The following GABRQ variants were observed in gnomAD, a reference collection of about 807,000 sequenced individuals.
GABRQ encodes the protein gamma-aminobutyric acid type A receptor subunit theta.
Under a neutral mutation model 30.5 loss-of-function variants are expected in GABRQ, and 19 were observed. The observed-to-expected ratio is 0.62, with a 90% CI of 0.43 to 0.91. The LOEUF (loss-of-function observed/expected upper bound fraction) is 0.91, where lower values mean the gene tolerates loss of function less well. Among genes scored for constraint, GABRQ ranks in the 40% least tolerant of loss-of-function variants. GABRQ has a pLI of 0.00. For missense variants in GABRQ, 520 were observed against 521.4 expected (o/e 1.00, Z 0.03); for synonymous variants, 187 against 210.2 (o/e 0.89, Z 0.95).
rs1450209795 is a variant in GABRQ, at chrX:152,656,620, G to A, written c.*3339G>A. On this transcript the variant is annotated 3_prime_UTR_variant, in exon 9 of 9. Coordinates refer to ENST00000598523, the MANE Select transcript of GABRQ (RefSeq NM_018558.4). ...TGTCAAATGTATTCTTACAATTCAT[G>A]TCATCTTGTTAATAGCAGGACTTCA... is the stretch of plus-strand genomic sequence containing the variant. 1 of 112,617 alleles carries A rather than the reference G, an allele frequency of 8.9e-6. No individual in the cohort carries two copies. The highest frequency in any genetic ancestry group is 2.8e-4 in the East Asian group (1 of 3,585). The allele number at this position is 112,617 out of a possible 1,213,427, so 9.3% of individuals were successfully genotyped here.
At position 152,653,073 on chromosome X, in the gene GABRQ, A is replaced by C; in HGVS notation, c.1691A>C (p.Glu564Ala). Residue 564 changes from glutamate (E) to alanine (A), a missense_variant, in exon 9 of 9, where the codon GAG becomes GCG. By Grantham distance (107) the Glu-to-Ala change is moderately radical. Coordinates refer to ENST00000598523, the MANE Select transcript of GABRQ (RefSeq NM_018558.4). ...AGTACCTGGGGCCTTAATGATGATGAGCTCATGGCCCATGGCCAAGAGAAG... is the reference window on the plus strand; with the variant it reads ...AGTACCTGGGGCCTTAATGATGATGCGCTCATGGCCCATGGCCAAGAGAAG... Reference protein sequence around the residue: ...TNSTWGLNDDELMAHGQEKDS... With the variant: ...TNSTWGLNDDALMAHGQEKDS... The C allele has an allele frequency of 8.3e-7, 1 of 1,207,217 alleles. No individual in the cohort carries two copies.
Position 152,650,518 on chromosome X carries a change from C to T in GABRQ, c.839C>T (p.Thr280Ile). 3 of 1,202,806 alleles carry T rather than the reference C, an allele frequency of 2.5e-6. No homozygotes were observed. Among genetic ancestry groups the T allele is most frequent in the Non-Finnish European group, 3.4e-6 (3 of 887,482 alleles). Reference protein sequence around the residue: ...VQVYWPTVLTTITSWISFWMN... With the variant: ...VQVYWPTVLTIITSWISFWMN... ...GTCTACTGGCCTACTGTCCTCACCACTATTACCTCTTGGATATCGTTTTGG... is the reference window on the plus strand; with the variant it reads ...GTCTACTGGCCTACTGTCCTCACCATTATTACCTCTTGGATATCGTTTTGG... Residue 280 changes from threonine to isoleucine, a missense_variant, in exon 7 of 9, where the codon ACT becomes ATT. Transcript: ENST00000598523.
At chrX:152,639,281 G>A (rs960304683) in intron 1 of GABRQ, among the ~76,000 whole-genome samples, 3 of 104,855 alleles carry the variant, frequency 2.9e-5, no homozygotes, top group Non-Finnish European at 3.9e-5. Context: ...CTCATAAAGG[G>A]GGGGGGGGTG....
intron 1 of GABRQ, among the ~76,000 whole-genome samples, chrX:152,639,388 A>G (rs1429695814): frequency 2.7e-5 from 3 of 109,423 alleles, no homozygotes; most frequent in African/African-American, 6.9e-5. Flanking sequence ...GCACACACAC[A>G]CACACACACA....
At position 152,655,690 on chromosome X, in the gene GABRQ, A is replaced by G. The variant is rs1395936264; in HGVS notation, c.*2409A>G. ...AGTGACTCCATGTCTGAAGCTCCCA[A>G]TGTGGCTATTGAAAGGCTGGCTTCC... On this transcript the variant is annotated 3_prime_UTR_variant, in exon 9 of 9. Coordinates refer to ENST00000598523, the MANE Select transcript of GABRQ (RefSeq NM_018558.4). 2.7e-5 allele frequency: 3 copies of G among 112,135 alleles called. No individual in the cohort carries two copies. The highest frequency in any genetic ancestry group is 9.7e-5 in the African/African-American group (3 of 30,779). The allele number at this position is 112,135 out of a possible 1,213,427, so 9.2% of individuals were successfully genotyped here. A position where few individuals can be genotyped will look rare whatever the true frequency, so the allele number is the denominator to read the frequency against.
intron 2 of GABRQ, among the ~76,000 whole-genome samples, chrX:152,641,487 G>T (rs782027788): frequency 1.5e-4 from 17 of 112,553 alleles, no homozygotes; most frequent in Admixed American, 6.5e-4. Flanking sequence ...GGCCCTTGCG[G>T]TAGACCAGTT....
Position 152,650,582 on chromosome X carries a change from T to C in GABRQ, c.901+2T>C, listed in dbSNP as rs1556820023. The C allele has an allele frequency of 1.7e-6, 2 of 1,198,436 alleles. No individual in the cohort carries two copies. The highest frequency in any genetic ancestry group is 3.6e-5 in the South Asian group (2 of 54,935). ...CCTCTGCAGCCAGGGTGACAATTGG[T>C]AGGTTCTGTCTCTGTCCCAGGAAAG... On this transcript the variant is annotated splice_donor_variant, in intron 7 of 8. Transcript: ENST00000598523. LOFTEE classifies it high-confidence loss of function.
At chrX:152,640,599 T>C in intron 2 of GABRQ, 133 bp downstream of exon 2, 1 of 543,030 alleles carries the variant, frequency 1.8e-6, no homozygotes, top group Non-Finnish European at 3.4e-6. Flanking sequence ...AGATCCCACC[T>C]TCCTGACTCT....
chrX:152,656,683 T>C lies in GABRQ; in HGVS notation c.*3402T>C, dbSNP rs1931155843. The C allele has an allele frequency of 1.8e-5, 2 of 112,678 alleles. No individual in the cohort carries two copies. Among genetic ancestry groups the C allele is most frequent in the Admixed American group, 9.3e-5 (1 of 10,698 alleles). The allele number at this position is 112,678 out of a possible 1,213,427, so 9.3% of individuals were successfully genotyped here. ...ATTTAGAGCTGAGTTTTGCTGAGAC[T>C]GTGGCCATTCCTAATGAGGTTTCCT... On this transcript the variant is annotated 3_prime_UTR_variant, in exon 9 of 9. Transcript: ENST00000598523.
rs1930655413 is a variant in GABRQ, at chrX:152,638,136, C to A, written c.-67C>A. 4 of 1,057,698 alleles carry A rather than the reference C, an allele frequency of 3.8e-6. No homozygotes were observed. Among genetic ancestry groups the A allele is most frequent in the Non-Finnish European group, 5.2e-6 (4 of 774,246 alleles). 87.2% of individuals were successfully genotyped at this position (1,057,698 alleles called of 1,213,427 possible). A position where few individuals can be genotyped will look rare whatever the true frequency, so the allele number is the denominator to read the frequency against. On this transcript the variant is annotated 5_prime_UTR_variant, in exon 1 of 9. Coordinates refer to ENST00000598523, the MANE Select transcript of GABRQ (RefSeq NM_018558.4). ...CGGCCCCAGTAGTCACCCACTCTCC[C>A]ACCCCACCTCTGTTCCTTTTCGCGG...
At chrX:152,638,470 G>C in intron 1 of GABRQ, 119 bp downstream of exon 1, 1 of 718,481 alleles carries the variant, frequency 1.4e-6, no homozygotes, top group Non-Finnish European at 2.1e-6. Flanking sequence ...ACTCGGACCC[G>C]GGCTCGCTGA....
rs1930651214 is a variant in GABRQ, at chrX:152,638,005, C to T, written c.-198C>T. Among the ~76,000 whole-genome samples, 1 of 113,151 alleles carries T rather than the reference C, an allele frequency of 8.8e-6. No homozygotes were observed. The highest frequency in any genetic ancestry group is 3.2e-5 in the African/African-American group (1 of 31,218). On this transcript the variant is annotated 5_prime_UTR_variant, in exon 1 of 9. Transcript: ENST00000598523. ...TGGGTGGTTGCTCCTCCCGGGCTCTCATCTCCGGTATCCGGGCCGACCCCC... is the reference window on the plus strand; with the variant it reads ...TGGGTGGTTGCTCCTCCCGGGCTCTTATCTCCGGTATCCGGGCCGACCCCC...
At chrX:152,645,845 T>C (rs1556819135) in intron 3 of GABRQ, among the ~76,000 whole-genome samples, 1 of 112,868 alleles carries the variant, frequency 8.9e-6, no homozygotes, top group Non-Finnish European at 1.9e-5. Flanking sequence ...TTTTAAAAGA[T>C]AGTGTAGAAC....
Position 152,653,003 on chromosome X carries a change from A to G in GABRQ, c.1621A>G (p.Ser541Gly). Reference protein sequence around the residue: ...GWDLDDNNDKSDCLAIKEQFK... With the variant: ...GWDLDDNNDKGDCLAIKEQFK... ...GGACCTTGATGACAACAATGACAAG[A>G]GCGACTGCCTTGCCATTAAGGAGCA... Residue 541 changes from serine (S) to glycine (G), a missense_variant, in exon 9 of 9, where the codon AGC becomes GGC. Transcript: ENST00000598523. 3 of 1,210,237 alleles carry G rather than the reference A, an allele frequency of 2.5e-6. No homozygotes were observed. Among genetic ancestry groups the G allele is most frequent in the Non-Finnish European group, 3.4e-6 (3 of 894,146 alleles).
rs782595019 is a variant in GABRQ, at chrX:152,645,607, T to C, written c.306+13T>C. On this transcript the variant is annotated intron_variant, in intron 3 of 8. Coordinates refer to ENST00000598523, the MANE Select transcript of GABRQ (RefSeq NM_018558.4). ...AGAAATGAATATGGTAAGTGTGTTATTTCCAGCCATGGGGTTGGGAACAGA... is the reference window on the plus strand; with the variant it reads ...AGAAATGAATATGGTAAGTGTGTTACTTCCAGCCATGGGGTTGGGAACAGA... The C allele has an allele frequency of 1.0e-6, 1 of 995,037 alleles. No homozygotes were observed. The highest frequency in any genetic ancestry group is 1.4e-6 in the Non-Finnish European group (1 of 698,360). The allele number at this position is 995,037 out of a possible 1,213,427, so 82.0% of individuals were successfully genotyped here. A position where few individuals can be genotyped will look rare whatever the true frequency, so the allele number is the denominator to read the frequency against.
At chrX:152,643,703 A>G (rs1211205126) in intron 2 of GABRQ, among the ~76,000 whole-genome samples, 2 of 112,097 alleles carry the variant, frequency 1.8e-5, no homozygotes, top group African/African-American at 6.5e-5. Flanking sequence ...ACATTCACAC[A>G]CTGTCACACT....
Position 152,653,531 on chromosome X carries a change from T to C in GABRQ, c.*250T>C, listed in dbSNP as rs782627083. 9.3e-6 allele frequency: 3 copies of C among 323,455 alleles called. No homozygotes were observed. The highest frequency in any genetic ancestry group is 1.6e-5 in the Non-Finnish European group (3 of 188,283). The allele number at this position is 323,455 out of a possible 1,213,427, so 26.7% of individuals were successfully genotyped here. A position where few individuals can be genotyped will look rare whatever the true frequency, so the allele number is the denominator to read the frequency against. On this transcript the variant is annotated 3_prime_UTR_variant, in exon 9 of 9. Transcript: ENST00000598523. ...GATTTCCTTTCCTGCTAGAAGACTC[T>C]CACCTTTTCAAAGACTTGTAACAAG... is the stretch of plus-strand genomic sequence containing the variant.
chrX:152,658,258 T>G (rs1454404253), downstream of GABRQ, among the ~76,000 whole-genome samples: 1 of 111,598 alleles, frequency 9.0e-6, no homozygotes, highest in Non-Finnish European at 1.9e-5. Flanking sequence ...GCCAGCCCAT[T>G]CTGACCCCAG....
chrX:152,652,436 C>G, intron 8 of GABRQ, 105 bp from the exon 9 acceptor site: 1 of 687,261 alleles, frequency 1.5e-6, no homozygotes, highest in East Asian at 3.2e-5. Context: ...AGATCAGTAA[C>G]ATTACAAGTG....
Sources: gnomAD v4.1 joint callset for allele counts (sites outside exome capture counted in the v4.1 genomes callset) on GRCh38, gnomAD v4.1.1 for gene constraint, MANE v1.5 for transcripts, NCBI Gene and HGNC (gene_info 2026-07-23, HGNC 2026-07-21) for gene names.